SUCLG2: variants seen among roughly 807,000 people sequenced by gnomAD.
The protein encoded by SUCLG2 is succinate--CoA ligase [GDP-forming] subunit beta, mitochondrial.
SUCLG2 carries 42 observed loss-of-function variants against 47.9 expected under a neutral mutation model. The ratio of observed to expected loss-of-function variants is 0.88; its 90% confidence interval spans 0.69 to 1.14. The LOEUF (loss-of-function observed/expected upper bound fraction) is 1.14. Among genes scored for constraint, SUCLG2 ranks in the 50% most tolerant of loss-of-function variants. The pLI, the probability that SUCLG2 is intolerant of heterozygous loss-of-function variation, is 0.00. For synonymous variants in SUCLG2, 195 were observed against 197.3 expected, an observed-to-expected ratio of 0.99 and a Z score of 0.10; for missense variants, 571 against 525.9, an observed-to-expected ratio of 1.09 and a Z score of -0.84.
intron 10 of SUCLG2, among the ~76,000 whole-genome samples, chr3:67,367,689 C>A (rs1332818609): frequency 6.6e-6 from 1 of 152,100 alleles, no homozygotes; most frequent in Non-Finnish European, 1.5e-5. Flanking sequence ...CCAGTTTCAA[C>A]AAAGAGAAGC....
chr3:67,598,827 A>C (rs1708352260), intron 2 of SUCLG2, among the ~76,000 whole-genome samples: 1 of 152,202 alleles, frequency 6.6e-6, no homozygotes, highest in South Asian at 2.1e-4. Flanking sequence ...CACTACTGAC[A>C]TCCCACATTT....
intron 2 of SUCLG2, among the ~76,000 whole-genome samples, chr3:67,607,041 T>C (rs1326622676): frequency 1.3e-5 from 2 of 152,230 alleles, no homozygotes; most frequent in African/African-American, 4.8e-5. Flanking sequence ...TATTGAAATA[T>C]GGAGAGTGCT....
intron 10 of SUCLG2, among the ~76,000 whole-genome samples, chr3:67,363,786 C>G (rs1701840186): frequency 6.6e-6 from 1 of 151,054 alleles, no homozygotes; most frequent in Non-Finnish European, 1.5e-5. Flanking sequence ...ACTTCCTCCC[C>G]CTCCCCCCAA....
chr3:67,612,376 G>T (rs1399566055), intron 1 of SUCLG2, among the ~76,000 whole-genome samples: 19 of 139,738 alleles, frequency 1.4e-4, no homozygotes, highest in East Asian at 4.1e-4. Context: ...AAAAAAAAAT[G>T]TGATACATCT....
chr3:67,620,866 T>C (rs1339782433), intron 1 of SUCLG2, among the ~76,000 whole-genome samples: 1 of 152,164 alleles, frequency 6.6e-6, no homozygotes, highest in African/African-American at 2.4e-5. Context: ...AGGGACCAGA[T>C]AATGCAGGTG....
intron 1 of SUCLG2, among the ~76,000 whole-genome samples, chr3:67,616,356 G>C (rs920870396): frequency 6.6e-6 from 1 of 152,116 alleles, no homozygotes; most frequent in African/African-American, 2.4e-5. Context: ...GCAAGCTGCA[G>C]AACAATACAT....
chr3:67,524,918 A>C (rs1706213964), intron 4 of SUCLG2, among the ~76,000 whole-genome samples: 1 of 152,168 alleles, frequency 6.6e-6, no homozygotes, highest in Non-Finnish European at 1.5e-5. Context: ...AGACAAATAA[A>C]TCTCCAGGCT....
intron 1 of SUCLG2, among the ~76,000 whole-genome samples, chr3:67,636,563 A>G (rs1024791323): frequency 6.6e-6 from 1 of 152,076 alleles, no homozygotes; most frequent in Non-Finnish European, 1.5e-5. Context: ...CGTGTTAGCC[A>G]GGATGGTCTC....
chr3:67,478,222 C>T (rs538987296), intron 9 of SUCLG2, among the ~76,000 whole-genome samples: 309 of 152,330 alleles, frequency 2.0e-3, no homozygotes, highest in African/African-American at 7.1e-3. Flanking sequence ...GCCCTGAAGA[C>T]GGCCACCACG....
chr3:67,521,855 A>C (rs1392608117), intron 4 of SUCLG2, among the ~76,000 whole-genome samples: 1 of 151,932 alleles, frequency 6.6e-6, no homozygotes, highest in Non-Finnish European at 1.5e-5. Context: ...GCTGACTTCA[A>C]GTATCTACCT....
intron 9 of SUCLG2, among the ~76,000 whole-genome samples, chr3:67,437,296 G>C (rs958105034): frequency 6.6e-6 from 1 of 152,128 alleles, no homozygotes; most frequent in Non-Finnish European, 1.5e-5. Flanking sequence ...AACAACAAGA[G>C]ATAAGGATCA....
intron 2 of SUCLG2, among the ~76,000 whole-genome samples, chr3:67,540,683 C>G (rs56020437): frequency 0.082 from 12,560 of 152,260 alleles, 642 homozygotes; most frequent in East Asian, 0.22. Flanking sequence ...TCCCAGCACA[C>G]TGCTGGAGCT....
In SUCLG2 at chr3:67,446,252, A is replaced by G. The variant is rs1195177745; in HGVS notation, c.1063-45401T>C. On this transcript the variant is annotated intron_variant, in intron 9 of 10. Coordinates refer to ENST00000307227, the MANE Select transcript of SUCLG2 (RefSeq NM_003848.4). ...TGGATTTGGAAGTGAATGCCTAAGTAAAAAGGATAATTTAGGCAATCACTT... is the reference window on the plus strand; with the variant it reads ...TGGATTTGGAAGTGAATGCCTAAGTGAAAAGGATAATTTAGGCAATCACTT... Among the ~76,000 whole-genome samples the G allele has an allele frequency of 3.6e-5, 2 of 55,914 alleles. 1 individual carries two copies. Among genetic ancestry groups the G allele is most frequent in the Non-Finnish European group, 7.8e-5 (2 of 25,572 alleles). The allele number at this position is 55,914 out of a possible 152,430, so 36.7% of individuals were successfully genotyped here.
At chr3:67,478,722 A>G (rs1457815261) in intron 9 of SUCLG2, among the ~76,000 whole-genome samples, 1 of 152,196 alleles carries the variant, frequency 6.6e-6, no homozygotes, top group African/African-American at 2.4e-5. Flanking sequence ...AACGAATAAA[A>G]TCTAGTGGGA....
At chr3:67,477,793 C>T (rs1352139514) in intron 9 of SUCLG2, among the ~76,000 whole-genome samples, 1 of 152,162 alleles carries the variant, frequency 6.6e-6, no homozygotes, top group East Asian at 1.9e-4. Context: ...TTGTTCACCA[C>T]ATCCCCATTC....
At chr3:67,493,248 A>G (rs1302618340) in intron 9 of SUCLG2, among the ~76,000 whole-genome samples, 4 of 152,234 alleles carry the variant, frequency 2.6e-5, no homozygotes, top group African/African-American at 4.8e-5. Context: ...GCCAGGATTG[A>G]AAATACTCAT....
chr3:67,466,488 T>A (rs72919001), intron 9 of SUCLG2, among the ~76,000 whole-genome samples: 3,886 of 152,358 alleles, frequency 0.026, 164 homozygotes, highest in African/African-American at 0.088. Context: ...CCTCCATCTA[T>A]CTAACTGGCT....
Position 67,495,924 on chromosome 3 carries a change from G to A in SUCLG2, c.936C>T (p.Leu312=), listed in dbSNP as rs779818503. 8 of 1,613,756 alleles carry A rather than the reference G, an allele frequency of 5.0e-6. No individual in the cohort carries two copies. In the Admixed American group the frequency reaches 6.7e-5, roughly 13 times the overall value. ...AAATGATATCACAAGTAGCCATGGC[G>A]AGCCCAGCACCATTCACTGTGAAAT... ...NIACFVNGAG[L]AMATCDIIFL... The change falls in exon 9 of 11, where the codon CTC becomes CTT. Residue 312 remains leucine, a synonymous_variant. Transcript: ENST00000307227.
intron 9 of SUCLG2, among the ~76,000 whole-genome samples, chr3:67,403,666 T>C (rs1702739896): frequency 6.6e-6 from 1 of 151,996 alleles, no homozygotes; most frequent in Non-Finnish European, 1.5e-5. Flanking sequence ...CAGAGGATTT[T>C]TGGAATAGGT....
Sources: gnomAD v4.1 joint callset for allele counts (sites outside exome capture counted in the v4.1 genomes callset) on GRCh38, gnomAD v4.1.1 for gene constraint, MANE v1.5 for transcripts, NCBI Gene and HGNC (gene_info 2026-07-23, HGNC 2026-07-21) for gene names.